The following SDHAF3 variants were observed in gnomAD, a reference collection of about 807,000 sequenced individuals.
SDHAF3 encodes succinate dehydrogenase complex assembly factor 3, also known as succinate dehydrogenase assembly factor 3, mitochondrial.
Under a neutral mutation model 11.5 loss-of-function variants are expected in SDHAF3, and 18 were observed. The ratio of observed to expected loss-of-function variants is 1.56; its 90% confidence interval spans 1.08 to 2.32. The LOEUF is 2.32. Among genes scored for constraint, SDHAF3 ranks in the 30% most tolerant of loss-of-function variants. The probability of loss-of-function intolerance (pLI) is 0.00; values close to 1 mark genes in which losing one functional copy is unlikely to be tolerated. For missense variants in SDHAF3, 200 were observed against 154.4 expected (o/e 1.30, Z -1.57); for synonymous variants, 72 against 59.3 (o/e 1.21, Z -0.99).
At position 97,142,243 on chromosome 7, in the gene SDHAF3, C is replaced by T. The variant is rs185914064; in HGVS notation, c.174+24346C>T. 1.6e-4 allele frequency among the ~76,000 whole-genome samples: 24 copies of T among 151,144 alleles called. No homozygotes were observed. The East Asian group carries it at 3.1e-3, about 20-fold the overall frequency. On this transcript the variant is annotated intron_variant, in intron 1 of 1. Coordinates refer to ENST00000432641, the MANE Select transcript of SDHAF3 (RefSeq NM_020186.3). ...TAATTTTTTGTATTTTTAGTAGAGACGGCATTTCACTATATTGGCCAGGCT... is the reference window on the plus strand; with the variant it reads ...TAATTTTTTGTATTTTTAGTAGAGATGGCATTTCACTATATTGGCCAGGCT...
chr7:97,174,489 T>G (rs2115746795), intron 1 of SDHAF3, among the ~76,000 whole-genome samples: 1 of 152,320 alleles, frequency 6.6e-6, no homozygotes, highest in Non-Finnish European at 1.5e-5. Context: ...AGGAATTGTT[T>G]CTTTCTGTTC....
intron 1 of SDHAF3, among the ~76,000 whole-genome samples, chr7:97,119,240 G>A (rs967501788): frequency 6.6e-6 from 1 of 152,098 alleles, no homozygotes; most frequent in African/African-American, 2.4e-5. Context: ...TTTTGTGGCC[G>A]TACAGGAAGG....
At chr7:97,176,478 G>A (rs1214059312) in intron 1 of SDHAF3, among the ~76,000 whole-genome samples, 1 of 152,158 alleles carries the variant, frequency 6.6e-6, no homozygotes, top group Non-Finnish European at 1.5e-5. Flanking sequence ...TTGGCGGGGT[G>A]ACTTAGTCAT....
In SDHAF3 at chr7:97,146,605, T is replaced by G. The variant is rs1347210422; in HGVS notation, c.174+28708T>G. On this transcript the variant is annotated intron_variant, in intron 1 of 1. Coordinates refer to ENST00000432641, the MANE Select transcript of SDHAF3 (RefSeq NM_020186.3). ...CAGATTTTGCAATTTGGTTTTAATT[T>G]TTTTAATTGCCTGATATCTTTTTTG... Among the ~76,000 whole-genome samples, 3 of 152,176 alleles carry G rather than the reference T, an allele frequency of 2.0e-5. No individual in the cohort carries two copies. The South Asian group carries it at 6.2e-4, about 31-fold the overall frequency.
At chr7:97,153,195 A>G (rs981276065) in intron 1 of SDHAF3, among the ~76,000 whole-genome samples, 10 of 152,186 alleles carry the variant, frequency 6.6e-5, no homozygotes, top group African/African-American at 2.2e-4. Flanking sequence ...TTGCTGTCAT[A>G]ATTTTCTCAC....
At position 97,173,297 on chromosome 7, in the gene SDHAF3, A is replaced by G. The variant is rs557174941; in HGVS notation, c.175-7715A>G. Reference sequence around the variant, plus strand: ...CATATGAATATGTATATGCATGTGTATATATGCATTTTTTTAATTTAGAGA... The same window carrying G: ...CATATGAATATGTATATGCATGTGTGTATATGCATTTTTTTAATTTAGAGA... On this transcript the variant is annotated intron_variant, in intron 1 of 1. Transcript: ENST00000432641. Among the ~76,000 whole-genome samples the G allele has an allele frequency of 2.6e-4, 39 of 152,332 alleles. 1 individual carries two copies. The highest frequency in any genetic ancestry group is 8.4e-4 in the African/African-American group (35 of 41,564).
chr7:97,173,568 TGA>T (rs2115744333), intron 1 of SDHAF3, among the ~76,000 whole-genome samples: 1 of 11,986 alleles, frequency 8.3e-5, no homozygotes, highest in African/African-American at 1.9e-4. Flanking sequence ...TTTTTTGAGA[TGA>T]GAGTCTCACT....
Position 97,122,024 on chromosome 7 carries a change from A to T in SDHAF3, c.174+4127A>T, listed in dbSNP as rs577524234. 3.3e-5 allele frequency among the ~76,000 whole-genome samples: 5 copies of T among 151,886 alleles called. No homozygotes were observed. In the South Asian group the frequency reaches 1.0e-3, roughly 32 times the overall value. On this transcript the variant is annotated intron_variant, in intron 1 of 1. Coordinates refer to ENST00000432641, the MANE Select transcript of SDHAF3 (RefSeq NM_020186.3). ...AGGCGCCCACCACTGCGCCCAGCTA[A>T]TTTTTTGTATTTTTAGTAGAGATGG...
At chr7:97,162,923 G>C (rs530578046) in intron 1 of SDHAF3, among the ~76,000 whole-genome samples, 1 of 152,244 alleles carries the variant, frequency 6.6e-6, no homozygotes, top group East Asian at 1.9e-4. Context: ...GTGCAGAGCT[G>C]AGTTCAACTC....
At chr7:97,135,854 A>C (rs1247119571) in intron 1 of SDHAF3, among the ~76,000 whole-genome samples, 1 of 150,282 alleles carries the variant, frequency 6.7e-6, no homozygotes, top group Non-Finnish European at 1.5e-5. Context: ...CGCCTGGCTA[A>C]TTTTTTGTAT....
At chr7:97,168,254 T>G (rs1008772983) in intron 1 of SDHAF3, among the ~76,000 whole-genome samples, 2 of 152,180 alleles carry the variant, frequency 1.3e-5, no homozygotes, top group African/African-American at 4.8e-5. Context: ...TGCATCAATC[T>G]TAAGTTTCAC....
chr7:97,177,053 A>T (rs1202774034), intron 1 of SDHAF3, among the ~76,000 whole-genome samples: 1 of 151,974 alleles, frequency 6.6e-6, no homozygotes, highest in African/African-American at 2.4e-5. Context: ...TGATATATAT[A>T]TTTTTAAACT....
chr7:97,153,148 T>C (rs1789251672), intron 1 of SDHAF3, among the ~76,000 whole-genome samples: 1 of 152,154 alleles, frequency 6.6e-6, no homozygotes, highest in South Asian at 2.1e-4. Flanking sequence ...AGTTGGGAGG[T>C]TAAAGTCACG....
intron 1 of SDHAF3, among the ~76,000 whole-genome samples, chr7:97,127,388 T>G (rs1360075528): frequency 6.6e-6 from 1 of 152,236 alleles, no homozygotes; most frequent in East Asian, 1.9e-4. Flanking sequence ...TTAGTTATTA[T>G]AACATTTTCT....
chr7:97,155,449 A>G (rs1015081528), intron 1 of SDHAF3, among the ~76,000 whole-genome samples: 1 of 152,060 alleles, frequency 6.6e-6, no homozygotes, highest in Non-Finnish European at 1.5e-5. Context: ...TTTTAGACTT[A>G]GCTTAGATGG....
rs139378893 is a variant in SDHAF3, at chr7:97,175,886, T to C, written c.175-5126T>C. Among the ~76,000 whole-genome samples, 17 of 152,310 alleles carry C rather than the reference T, an allele frequency of 1.1e-4. No individual in the cohort carries two copies. The East Asian group carries it at 3.1e-3, about 28-fold the overall frequency. On this transcript the variant is annotated intron_variant, in intron 1 of 1. Coordinates refer to ENST00000432641, the MANE Select transcript of SDHAF3 (RefSeq NM_020186.3). Reference sequence around the variant, plus strand: ...ATTACCACAGCCTGACTTAAAACAATGGTAGTGTATTCTGGAGAGGCCTAA... The same window carrying C: ...ATTACCACAGCCTGACTTAAAACAACGGTAGTGTATTCTGGAGAGGCCTAA...
chr7:97,147,841 CTCCA>C (rs1789159898), intron 1 of SDHAF3, among the ~76,000 whole-genome samples: 1 of 152,176 alleles, frequency 6.6e-6, no homozygotes, highest in African/African-American at 2.4e-5. Flanking sequence ...TGGTACTCTG[CTCCA>C]CCAAAATGTG....
Position 97,117,868 on chromosome 7 carries a change from G to T in SDHAF3, c.145G>T (p.Glu49Ter). ...GAGACATAAGACCGTTGGTTCTGAC[G>T]AGGCACAGCGTTTCTTGCAAGAATG... ...FRRHKTVGSD[E>*]AQRFLQEWEV... Residue 49 changes from glutamate to a stop codon, truncating the protein, a stop_gained, in exon 1 of 2, where the codon GAG (glutamate) becomes TAG (stop). Transcript: ENST00000432641. LOFTEE classifies it high-confidence loss of function. 2 of 1,614,204 alleles carry T rather than the reference G, an allele frequency of 1.2e-6. No individual in the cohort carries two copies.
At chr7:97,180,613 A>C (rs2115760840) in intron 1 of SDHAF3, among the ~76,000 whole-genome samples, 1 of 152,268 alleles carries the variant, frequency 6.6e-6, no homozygotes, top group East Asian at 1.9e-4. Flanking sequence ...GTTTAAAATA[A>C]AAGTTGGGGG....
Sources: gnomAD v4.1 joint callset for allele counts (sites outside exome capture counted in the v4.1 genomes callset) on GRCh38, gnomAD v4.1.1 for gene constraint, MANE v1.5 for transcripts, NCBI Gene and HGNC (gene_info 2026-07-23, HGNC 2026-07-21) for gene names.